CPNE4: variants seen among roughly 807,000 people sequenced by gnomAD.
CPNE4 encodes the protein copine-4.
Under a neutral mutation model 67.9 loss-of-function variants are expected in CPNE4, and 25 were observed. The observed-to-expected ratio is 0.37, with a 90% CI of 0.27 to 0.51. The LOEUF (loss-of-function observed/expected upper bound fraction) is 0.51, where lower values mean the gene tolerates loss of function less well. CPNE4 is among the 20% of genes least tolerant of loss of function. The pLI is 0.93. For synonymous variants in CPNE4, 242 were observed against 244.9 expected (o/e 0.99, Z 0.11); for missense variants, 464 against 690.8 (o/e 0.67, Z 3.68).
intron 2 of CPNE4, among the ~76,000 whole-genome samples, chr3:131,827,377 T>A (rs1425682915): frequency 1.3e-5 from 2 of 152,156 alleles, no homozygotes; most frequent in Admixed American, 6.5e-5. Flanking sequence ...TAGGTAGACA[T>A]GGTAATTCAT....
chr3:131,756,218 C>A (rs2082747580), intron 2 of CPNE4, among the ~76,000 whole-genome samples: 1 of 152,120 alleles, frequency 6.6e-6, no homozygotes, highest in Non-Finnish European at 1.5e-5. Context: ...GTGTTAGTGA[C>A]CTCATAAAAT....
chr3:131,642,659 G>T (rs2079568497), intron 7 of CPNE4, among the ~76,000 whole-genome samples: 1 of 152,112 alleles, frequency 6.6e-6, no homozygotes, highest in Non-Finnish European at 1.5e-5. Flanking sequence ...CCCCCATGCT[G>T]CTGTTCTCAT....
chr3:131,882,293 A>C (rs560207882), intron 2 of CPNE4, among the ~76,000 whole-genome samples: 64 of 152,286 alleles, frequency 4.2e-4, no homozygotes, highest in Non-Finnish European at 7.9e-4. Context: ...ACATAAAGAT[A>C]ATTTTGGAAG....
intron 6 of CPNE4, among the ~76,000 whole-genome samples, chr3:131,671,459 A>ATG (rs58195413): frequency 0.012 from 1,511 of 131,348 alleles, 12 homozygotes; most frequent in Non-Finnish European, 0.017. Context: ...GAGTGTACAC[A>ATG]TGTGTGTGTG....
chr3:131,541,418 T>C (rs1383356894), intron 15 of CPNE4, among the ~76,000 whole-genome samples: 1 of 152,226 alleles, frequency 6.6e-6, no homozygotes, highest in Non-Finnish European at 1.5e-5. Context: ...CATTGTCTAA[T>C]GGTTCTGCCT....
chr3:131,884,740 C>G lies in CPNE4; in HGVS notation c.180+20524G>C, dbSNP rs1423920734. On this transcript the variant is annotated intron_variant, in intron 2 of 15. Coordinates refer to ENST00000429747, the MANE Select transcript of CPNE4 (RefSeq NM_130808.3). ...TTCTCACGGTGGTGAACATGTCTCA[C>G]AAGATCTGATGGTTTTATCAGGGGT... 2.0e-5 allele frequency among the ~76,000 whole-genome samples: 3 copies of G among 152,146 alleles called. No individual in the cohort carries two copies. The South Asian group carries it at 6.2e-4, about 32-fold the overall frequency.
At chr3:131,917,261 A>G (rs559540132) in intron 1 of CPNE4, among the ~76,000 whole-genome samples, 1 of 152,342 alleles carries the variant, frequency 6.6e-6, no homozygotes, top group Non-Finnish European at 1.5e-5. Context: ...GTGGGATGAC[A>G]TAAGCTTTGT....
At chr3:131,970,251 G>A (rs2072465591) in intron 1 of CPNE4, among the ~76,000 whole-genome samples, 1 of 152,186 alleles carries the variant, frequency 6.6e-6, no homozygotes, top group Non-Finnish European at 1.5e-5. Flanking sequence ...AGTGAGTGAA[G>A]ACACACCAAC....
chr3:131,670,601 C>T (rs1489549508), intron 6 of CPNE4, among the ~76,000 whole-genome samples: 1 of 152,138 alleles, frequency 6.6e-6, no homozygotes, highest in Non-Finnish European at 1.5e-5. Flanking sequence ...CCAGCAGGAG[C>T]TGCATCACCT....
At chr3:131,942,518 A>G (rs1374738448) in intron 1 of CPNE4, among the ~76,000 whole-genome samples, 1 of 104,842 alleles carries the variant, frequency 9.5e-6, no homozygotes, top group Non-Finnish European at 2.0e-5. Flanking sequence ...GAGAGAGATC[A>G]TTTTATTTTG....
intron 2 of CPNE4, among the ~76,000 whole-genome samples, chr3:131,813,322 G>A (rs890639352): frequency 6.6e-6 from 1 of 151,248 alleles, no homozygotes; most frequent in Admixed American, 6.6e-5. Flanking sequence ...AGGGAAATGA[G>A]AGTAGTTGTA....
At chr3:131,619,549 ACTCTT>A (rs1458756302) in intron 7 of CPNE4, among the ~76,000 whole-genome samples, 1 of 151,922 alleles carries the variant, frequency 6.6e-6, no homozygotes, top group Non-Finnish European at 1.5e-5. Flanking sequence ...CAACCAATGA[ACTCTT>A]CATTTTACAG....
At chr3:131,901,741 T>C (rs2088559988) in intron 2 of CPNE4, among the ~76,000 whole-genome samples, 2 of 152,094 alleles carry the variant, frequency 1.3e-5, no homozygotes, top group African/African-American at 4.8e-5. Context: ...TGTTTGGTTC[T>C]GGGACTACCA....
chr3:131,949,350 C>T (rs1027057754), intron 1 of CPNE4, among the ~76,000 whole-genome samples: 8 of 152,150 alleles, frequency 5.3e-5, no homozygotes, highest in African/African-American at 1.4e-4. Flanking sequence ...TGATGTTCCA[C>T]TTAGATTAAA....
chr3:131,575,676 C>T (rs749314747), intron 9 of CPNE4, among the ~76,000 whole-genome samples: 9 of 152,092 alleles, frequency 5.9e-5, no homozygotes, highest in Non-Finnish European at 1.3e-4. Context: ...CATCTTTTAC[C>T]TCATTTAATT....
At chr3:131,668,382 T>C (rs1288465500) in intron 7 of CPNE4, among the ~76,000 whole-genome samples, 5 of 152,280 alleles carry the variant, frequency 3.3e-5, no homozygotes, top group Admixed American at 6.5e-5. Flanking sequence ...AGCTAACACT[T>C]TCCAGGGGAT....
intron 3 of CPNE4, among the ~76,000 whole-genome samples, chr3:131,717,930 C>CTTTCTTTCT (rs2081770111): frequency 8.5e-6 from 1 of 117,456 alleles, no homozygotes; most frequent in Non-Finnish European, 1.9e-5. Flanking sequence ...TTCTTTCTTT[C>CTTTCTTTCT]TTTCTTTCTT....
intron 2 of CPNE4, among the ~76,000 whole-genome samples, chr3:131,736,361 C>T (rs978171311): frequency 3.9e-5 from 6 of 152,064 alleles, no homozygotes; most frequent in African/African-American, 1.4e-4. Context: ...GTGGCTCACG[C>T]CTGTAATCCC....
intron 7 of CPNE4, among the ~76,000 whole-genome samples, chr3:131,593,038 G>A (rs1053428123): frequency 1.3e-5 from 2 of 152,206 alleles, no homozygotes; most frequent in Non-Finnish European, 2.9e-5. Context: ...AGCTTCATGT[G>A]TCAACAAGGC....
Sources: allele counts gnomAD v4.1 joint callset (sites outside exome capture counted in the v4.1 genomes callset), GRCh38; gene constraint gnomAD v4.1.1; transcripts MANE v1.5; gene names NCBI Gene and HGNC (gene_info 2026-07-23, HGNC 2026-07-21).